Variants in TMEM170B observed in about 807,000 individuals in gnomAD.
TMEM170B encodes the protein transmembrane protein 170B.
TMEM170B carries 6 observed loss-of-function variants against 13.0 expected under a neutral mutation model. The observed-to-expected ratio is 0.46, with a 90% confidence interval of 0.25 to 0.91. The LOEUF (loss-of-function observed/expected upper bound fraction) is 0.91. Ranked by LOEUF, TMEM170B falls within the 40% of genes least tolerant of loss-of-function variation. The probability of loss-of-function intolerance (pLI) is 0.17; values close to 1 mark genes in which losing one functional copy is unlikely to be tolerated. For synonymous variants in TMEM170B, 61 were observed against 64.9 expected (o/e 0.94, Z 0.29); for missense variants, 138 against 165.2 (o/e 0.84, Z 0.90).
rs1759875534 is a variant in TMEM170B at position 11,576,462 on chromosome 6, T to C, written c.*901T>C. 6.6e-6 allele frequency: 1 copy of C among 152,212 alleles called. No homozygotes were observed. Among genetic ancestry groups the C allele is most frequent in the Non-Finnish European group, 1.5e-5 (1 of 68,018 alleles). 9.4% of individuals were successfully genotyped at this position (152,212 alleles called of 1,614,324 possible). On this transcript the variant is annotated 3_prime_UTR_variant, in exon 3 of 3. Transcript: ENST00000379426. ...AAGAAAGTTTTTGCCTTGTATCTCA[T>C]GGACAAAACATCTTTATAACTAGTA... is the stretch of plus-strand genomic sequence containing the variant.
At chr6:11,574,172 T>G (rs1759842659) in intron 2 of TMEM170B, among the ~76,000 whole-genome samples, 1 of 152,124 alleles carries the variant, frequency 6.6e-6, no homozygotes, top group Non-Finnish European at 1.5e-5. Flanking sequence ...ATCTTTAAAT[T>G]AGGTGATAAT....
At chr6:11,545,881 G>A (rs1174340222) in intron 1 of TMEM170B, among the ~76,000 whole-genome samples, 4 of 151,572 alleles carry the variant, frequency 2.6e-5, no homozygotes, top group South Asian at 2.1e-4. Context: ...GCGTGGTGGC[G>A]GGCGCCTATA....
intron 1 of TMEM170B, 25 bp from the exon 2 acceptor site, chr6:11,565,641 A>G (rs898876351): frequency 1.9e-6 from 3 of 1,613,098 alleles, no homozygotes; most frequent in African/African-American, 1.3e-5. Context: ...TCAACAGATG[A>G]TTAATACTTT....
At chr6:11,538,800 G>A (rs1361749076) in intron 1 of TMEM170B, among the ~76,000 whole-genome samples, 2 of 152,184 alleles carry the variant, frequency 1.3e-5, no homozygotes, top group Non-Finnish European at 2.9e-5. Context: ...CAAATCTCAA[G>A]CCAAATGTAG....
At chr6:11,560,809 A>G (rs149962652) in intron 1 of TMEM170B, among the ~76,000 whole-genome samples, 17 of 152,332 alleles carry the variant, frequency 1.1e-4, no homozygotes, top group African/African-American at 3.4e-4. Context: ...GGATTATACA[A>G]TATGTACCAT....
chr6:11,543,529 A>G (rs1759390073), intron 1 of TMEM170B, among the ~76,000 whole-genome samples: 1 of 152,240 alleles, frequency 6.6e-6, no homozygotes, highest in Non-Finnish European at 1.5e-5. Flanking sequence ...ACAGATTCAG[A>G]TACTGAAGCA....
rs375720914 is a variant in TMEM170B, at chr6:11,545,999, G to A, written c.97+7625G>A. 5.2e-5 allele frequency among the ~76,000 whole-genome samples: 7 copies of A among 134,910 alleles called. No homozygotes were observed. The East Asian group carries it at 1.6e-3, about 30-fold the overall frequency. 88.5% of individuals were successfully genotyped at this position (134,910 alleles called of 152,430 possible). A position where few individuals can be genotyped will look rare whatever the true frequency, so the allele number is the denominator to read the frequency against. On this transcript the variant is annotated intron_variant, in intron 1 of 2. Coordinates refer to ENST00000379426, the MANE Select transcript of TMEM170B (RefSeq NM_001100829.3). ...TGCACTCCAGCTTGGGCAACAGAGC[G>A]AGACTCCGTCTTTAAAAAAAAAAAA... is the stretch of plus-strand genomic sequence containing the variant.
At chr6:11,548,940 G>C (rs1434985141) in intron 1 of TMEM170B, among the ~76,000 whole-genome samples, 1 of 151,904 alleles carries the variant, frequency 6.6e-6, no homozygotes, top group Admixed American at 6.6e-5. Context: ...GGGGGGAAGG[G>C]GGAGGGATAG....
At chr6:11,564,895 C>T (rs1279709584) in intron 1 of TMEM170B, among the ~76,000 whole-genome samples, 1 of 152,158 alleles carries the variant, frequency 6.6e-6, no homozygotes, top group East Asian at 1.9e-4. Context: ...TTCTTTCCAC[C>T]CTCACTACAG....
chr6:11,565,975 A>T, intron 2 of TMEM170B, 139 bp downstream of exon 2: 1 of 748,062 alleles, frequency 1.3e-6, no homozygotes, highest in Non-Finnish European at 2.2e-6. Flanking sequence ...CTCCATCTAG[A>T]AGATAAAGAT....
At chr6:11,538,741 G>A (rs985656095) in intron 1 of TMEM170B, among the ~76,000 whole-genome samples, 1 of 152,116 alleles carries the variant, frequency 6.6e-6, no homozygotes, top group Non-Finnish European at 1.5e-5. Context: ...TACACACATC[G>A]CTTCTTGCTA....
At chr6:11,550,852 A>G (rs888286605) in intron 1 of TMEM170B, among the ~76,000 whole-genome samples, 1 of 152,230 alleles carries the variant, frequency 6.6e-6, no homozygotes, top group Non-Finnish European at 1.5e-5. Context: ...TACCATGGAC[A>G]TGGTGCTGTC....
chr6:11,538,396 G>A (rs201243137), intron 1 of TMEM170B, 22 bp downstream of exon 1: 1,220 of 1,485,726 alleles, frequency 8.2e-4, no homozygotes, highest in Non-Finnish European at 9.6e-4. Flanking sequence ...GCCTGGGCTG[G>A]GGACGGGGAT....
chr6:11,545,486 G>A (rs1759424969), intron 1 of TMEM170B, among the ~76,000 whole-genome samples: 1 of 152,170 alleles, frequency 6.6e-6, no homozygotes, highest in Admixed American at 6.5e-5. Flanking sequence ...GGTCCCATAA[G>A]ATTATAATGG....
chr6:11,539,190 A>C (rs560650233), intron 1 of TMEM170B, among the ~76,000 whole-genome samples: 2 of 152,246 alleles, frequency 1.3e-5, no homozygotes, highest in African/African-American at 2.4e-5. Flanking sequence ...GGAAATGCTT[A>C]CATTATACTT....
At chr6:11,568,555 A>G (rs1582145970) in intron 2 of TMEM170B, among the ~76,000 whole-genome samples, 1 of 152,204 alleles carries the variant, frequency 6.6e-6, no homozygotes, top group African/African-American at 2.4e-5. Flanking sequence ...AATTCAGTCA[A>G]GAATAAAGTA....
chr6:11,537,771 G>A lies in TMEM170B; in HGVS notation c.-507G>A, dbSNP rs1296025513. Reference sequence around the variant, plus strand: ...GTTCCTCGAGTGTCGGCGACCCGAGGGCGGGCAGGCGGGCGGCAGGTGCCG... The same window carrying A: ...GTTCCTCGAGTGTCGGCGACCCGAGAGCGGGCAGGCGGGCGGCAGGTGCCG... On this transcript the variant is annotated 5_prime_UTR_variant, in exon 1 of 3. Transcript: ENST00000379426. Among the ~76,000 whole-genome samples, 4 of 151,480 alleles carry A rather than the reference G, an allele frequency of 2.6e-5. No homozygotes were observed. The highest frequency in any genetic ancestry group is 2.1e-4 in the South Asian group (1 of 4,830).
chr6:11,548,679 T>G (rs12530426), intron 1 of TMEM170B, among the ~76,000 whole-genome samples: 6,465 of 152,228 alleles, frequency 0.042, 221 homozygotes, highest in Non-Finnish European at 0.064. Flanking sequence ...AACCCACATG[T>G]CCATCAATGA....
At chr6:11,567,304 G>A (rs878872888) in intron 2 of TMEM170B, among the ~76,000 whole-genome samples, 1 of 152,254 alleles carries the variant, frequency 6.6e-6, no homozygotes. Context: ...GAGTACATGT[G>A]TCTGTTGCCC....
Sources: allele counts gnomAD v4.1 joint callset (sites outside exome capture counted in the v4.1 genomes callset), GRCh38; gene constraint gnomAD v4.1.1; transcripts MANE v1.5; gene names NCBI Gene and HGNC (gene_info 2026-07-23, HGNC 2026-07-21).